VPS35L: variants seen among roughly 807,000 people sequenced by gnomAD.
The protein encoded by VPS35L is VPS35 endosomal protein-sorting factor-like.
VPS35L carries 83 observed loss-of-function variants against 133.0 expected under a neutral mutation model. That is an observed-to-expected ratio of 0.62 (90% CI 0.52 to 0.75). The LOEUF (loss-of-function observed/expected upper bound fraction) is 0.75, where lower values mean the gene tolerates loss of function less well. Ranked by LOEUF, VPS35L falls within the 30% of genes least tolerant of loss-of-function variation. The probability of loss-of-function intolerance (pLI) is 0.00; values close to 1 mark genes in which losing one functional copy is unlikely to be tolerated. For missense variants in VPS35L, 1,083 were observed against 1,206.8 expected (o/e 0.90, Z 1.52); for synonymous variants, 423 against 449.9 (o/e 0.94, Z 0.76).
chr16:19,576,501 C>G (rs1295785750), intron 5 of VPS35L, among the ~76,000 whole-genome samples: 1 of 152,172 alleles, frequency 6.6e-6, no homozygotes, highest in African/African-American at 2.4e-5. Context: ...ATATAGATGC[C>G]TGGCCCCCAC....
At chr16:19,688,872 T>A (rs186043968) in intron 28 of VPS35L, among the ~76,000 whole-genome samples, 97 of 152,288 alleles carry the variant, frequency 6.4e-4, no homozygotes, top group African/African-American at 1.9e-3. Flanking sequence ...ACTCTAGGGT[T>A]TGCAGCAGGC....
intron 22 of VPS35L, among the ~76,000 whole-genome samples, chr16:19,644,086 G>T (rs1395031202): frequency 6.6e-6 from 1 of 151,646 alleles, no homozygotes; most frequent in Non-Finnish European, 1.5e-5. Flanking sequence ...GTTTTCTCTG[G>T]GCTCTTAAAA....
At chr16:19,654,907 A>C (rs1245512621) in intron 26 of VPS35L, among the ~76,000 whole-genome samples, 1 of 152,186 alleles carries the variant, frequency 6.6e-6, no homozygotes, top group African/African-American at 2.4e-5. Context: ...ATCTTGGGAA[A>C]TTTATAATTA....
At chr16:19,574,719 G>C (rs1308727092) in intron 4 of VPS35L, among the ~76,000 whole-genome samples, 1 of 151,990 alleles carries the variant, frequency 6.6e-6, no homozygotes, top group Non-Finnish European at 1.5e-5. Context: ...TCACAGTTCT[G>C]GGGGTGGTAC....
At chr16:19,691,967 C>T (rs1444450677) in intron 29 of VPS35L, among the ~76,000 whole-genome samples, 3 of 151,948 alleles carry the variant, frequency 2.0e-5, no homozygotes, top group Admixed American at 6.6e-5. Flanking sequence ...CTCCGCCTCC[C>T]GGGTTCAGGC....
intron 9 of VPS35L, among the ~76,000 whole-genome samples, chr16:19,604,778 GC>G (rs1972492142): frequency 1.3e-5 from 2 of 152,122 alleles, no homozygotes; most frequent in African/African-American, 4.8e-5. Context: ...TCATACTTGA[GC>G]CCTTTGCCTT....
intron 27 of VPS35L, among the ~76,000 whole-genome samples, chr16:19,681,351 A>G (rs1319509542): frequency 1.3e-5 from 2 of 152,204 alleles, no homozygotes; most frequent in Non-Finnish European, 2.9e-5. Flanking sequence ...CTTGGGCTAG[A>G]TGGCCTCTTG....
intron 1 of VPS35L, among the ~76,000 whole-genome samples, chr16:19,561,967 C>T (rs1224197599): frequency 1.3e-5 from 2 of 151,662 alleles, no homozygotes; most frequent in African/African-American, 2.4e-5. Context: ...ATTAGCCGGG[C>T]GTGGGGGTGT....
rs551879477 is a variant in VPS35L at position 19,595,446 on chromosome 16, G to T, written c.724+3572G>T. 3.9e-5 allele frequency among the ~76,000 whole-genome samples: 6 copies of T among 152,216 alleles called. No individual in the cohort carries two copies. In the East Asian group the frequency reaches 9.7e-4, roughly 25 times the overall value. On this transcript the variant is annotated intron_variant, in intron 8 of 30. Transcript: ENST00000417362. Reference sequence around the variant, plus strand: ...ACAGCTTACCTTCGGCGAGTGTGAGGCCCTCATTGGTGGGGAGAGGCTGGT... The same window carrying T: ...ACAGCTTACCTTCGGCGAGTGTGAGTCCCTCATTGGTGGGGAGAGGCTGGT...
In VPS35L at chr16:19,559,673, A is replaced by G. The variant is rs73529823; in HGVS notation, c.17+3927A>G. ...ATGATGGTTTACTGTGGGCTTTCAG[A>G]AAGGAAAATAAATTTTTTTTAAGAT... On this transcript the variant is annotated intron_variant, in intron 1 of 30. Transcript: ENST00000417362. 8.0e-3 allele frequency among the ~76,000 whole-genome samples: 1,224 copies of G among 152,302 alleles called. 10 individuals carry two copies. The highest frequency in any genetic ancestry group is 0.02 in the African/African-American group (839 of 41,562).
chr16:19,668,138 C>T (rs1301748394), intron 26 of VPS35L, among the ~76,000 whole-genome samples: 2 of 152,158 alleles, frequency 1.3e-5, no homozygotes, highest in Non-Finnish European at 2.9e-5. Flanking sequence ...GCATTTGCCC[C>T]TCTGGTGTGC....
At chr16:19,588,469 G>A (rs542081733) in intron 7 of VPS35L, among the ~76,000 whole-genome samples, 1 of 152,232 alleles carries the variant, frequency 6.6e-6, no homozygotes, top group Non-Finnish European at 1.5e-5. Context: ...CTGGGATTAA[G>A]GCATGAGCCA....
chr16:19,555,780 G>A, intron 1 of VPS35L, 34 bp downstream of exon 1: 1 of 1,550,986 alleles, frequency 6.4e-7, no homozygotes. Context: ...CTTTGGAGAG[G>A]GGCTGTCCTT....
intron 5 of VPS35L, chr16:19,578,239 A>G: frequency 4.5e-6 from 2 of 448,296 alleles, no homozygotes; most frequent in South Asian, 3.2e-5. Flanking sequence ...CAGGCTTACA[A>G]AAAGAGTTCT....
chr16:19,625,584 G>A (rs1890602301), intron 14 of VPS35L, among the ~76,000 whole-genome samples: 1 of 152,128 alleles, frequency 6.6e-6, no homozygotes, highest in African/African-American at 2.4e-5. Context: ...CGACAGAGTT[G>A]GCAACTCTTC....
chr16:19,575,994 A>G (rs12930402), intron 5 of VPS35L, among the ~76,000 whole-genome samples: 1 of 125,182 alleles, frequency 8.0e-6, no homozygotes, highest in Non-Finnish European at 1.7e-5. Context: ...CATCTCTACT[A>G]AAAAAAAAAA....
At chr16:19,668,199 C>G (rs1467333026) in intron 26 of VPS35L, among the ~76,000 whole-genome samples, 4 of 152,168 alleles carry the variant, frequency 2.6e-5, no homozygotes, top group Non-Finnish European at 5.9e-5. Context: ...CTACAGTGTT[C>G]TCTTTGCATC....
intron 30 of VPS35L, among the ~76,000 whole-genome samples, chr16:19,700,075 T>G (rs144876444): frequency 2.0e-5 from 3 of 152,158 alleles, no homozygotes; most frequent in Non-Finnish European, 4.4e-5. Context: ...CCAGCCTGGG[T>G]GATAGAGCAG....
intron 24 of VPS35L, among the ~76,000 whole-genome samples, chr16:19,648,893 AAAAGTT>A (rs1195253937): frequency 6.6e-6 from 1 of 151,708 alleles, no homozygotes; most frequent in African/African-American, 2.4e-5. Flanking sequence ...AAAAAAAAAA[AAAAGTT>A]AGGTTCAGAC....
Sources: allele counts gnomAD v4.1 joint callset (sites outside exome capture counted in the v4.1 genomes callset), GRCh38; gene constraint gnomAD v4.1.1; transcripts MANE v1.5; gene names NCBI Gene and HGNC (gene_info 2026-07-23, HGNC 2026-07-21).